Variants in ACSL1 observed in about 807,000 individuals in gnomAD.
ACSL1 encodes long-chain-fatty-acid--CoA ligase 1.
In ACSL1, 41 loss-of-function variants were observed where a neutral mutation model predicts 98.4. The observed-to-expected ratio is 0.42, with a 90% CI of 0.32 to 0.54. The LOEUF is 0.54. Among genes scored for constraint, ACSL1 ranks in the 20% least tolerant of loss-of-function variants. The pLI is 0.13. For synonymous variants in ACSL1, 316 were observed against 322.7 expected, an observed-to-expected ratio of 0.98 and a Z score of 0.22; for missense variants, 734 against 883.1, an observed-to-expected ratio of 0.83 and a Z score of 2.14.
At chr4:184,804,133 CT>C (rs1177416097) in intron 1 of ACSL1, among the ~76,000 whole-genome samples, 1 of 152,234 alleles carries the variant, frequency 6.6e-6, no homozygotes, top group Non-Finnish European at 1.5e-5. Context: ...AGTTGGCTAT[CT>C]GGTAAGATGA....
rs746349597 is a variant in ACSL1 at position 184,763,208 on chromosome 4, C to T, written c.1480G>A (p.Val494Met). ...GCAGCCATGTAATTCATTTCTTCCA[C>T]ATCAACAAGTTTTATCAAATTGCAC... is the stretch of plus-strand genomic sequence containing the variant. ...MPCNLIKLVDVEEMNYMAAEG... is the reference protein window; with the variant it reads ...MPCNLIKLVDMEEMNYMAAEG... Residue 494 changes from valine (V) to methionine (M), a missense_variant, in exon 16 of 21, where the codon GTG becomes ATG. Physicochemically the swap from Val to Met is conservative, Grantham distance 21. Coordinates refer to ENST00000281455, the MANE Select transcript of ACSL1 (RefSeq NM_001995.5). 2.5e-6 allele frequency: 4 copies of T among 1,614,104 alleles called. No homozygotes were observed. Among genetic ancestry groups the T allele is most frequent in the Non-Finnish European group, 3.4e-6 (4 of 1,180,026 alleles).
In ACSL1 at chr4:184,766,108, C is replaced by T; in HGVS notation, c.1264-122G>A. 1 of 843,920 alleles carries T rather than the reference C, an allele frequency of 1.2e-6. No homozygotes were observed. 52.3% of individuals were successfully genotyped at this position (843,920 alleles called of 1,614,324 possible). On this transcript the variant is annotated intron_variant, in intron 13 of 20. Coordinates refer to ENST00000281455, the MANE Select transcript of ACSL1 (RefSeq NM_001995.5). The surrounding 1 kb of genome is among the most constrained non-coding windows in gnomAD (Gnocchi z 4.8). The stretch of plus-strand genomic sequence containing the variant: ...CCCATAGCTGCAGACCACACGGAGG[C>T]CACACGGAGAACTCACAGCCCTCAT...
intron 7 of ACSL1, among the ~76,000 whole-genome samples, chr4:184,774,974 A>G (rs922758393): frequency 1.3e-5 from 2 of 152,202 alleles, no homozygotes; most frequent in Admixed American, 1.3e-4. Flanking sequence ...TTCTTACATA[A>G]CTTCTGGAGA....
At chr4:184,809,461 T>A (rs1048302898) in intron 1 of ACSL1, among the ~76,000 whole-genome samples, 2 of 152,198 alleles carry the variant, frequency 1.3e-5, no homozygotes, top group Non-Finnish European at 2.9e-5. Context: ...TTAAATCACA[T>A]GAAGAACTAA....
intron 7 of ACSL1, among the ~76,000 whole-genome samples, chr4:184,774,579 G>T (rs113222124): frequency 6.6e-6 from 1 of 151,974 alleles, no homozygotes; most frequent in South Asian, 2.1e-4. Flanking sequence ...CCACTGATGG[G>T]GTTCGGTTTA....
At chr4:184,805,906 A>G (rs1771354907) in intron 1 of ACSL1, 1 of 152,244 alleles carries the variant, frequency 6.6e-6, no homozygotes, top group South Asian at 2.1e-4. Context: ...GACAACGGGC[A>G]TATATTTTTT....
At chr4:184,811,297 A>G (rs1772064335) in intron 1 of ACSL1, among the ~76,000 whole-genome samples, 2 of 151,818 alleles carry the variant, frequency 1.3e-5, no homozygotes, top group Middle Eastern at 3.4e-3. Context: ...TATTTTTAGT[A>G]GAGACGGGGT....
chr4:184,821,118 C>T (rs1457964910), intron 1 of ACSL1: 1 of 456,324 alleles, frequency 2.2e-6, no homozygotes, highest in East Asian at 6.9e-5. Flanking sequence ...AGCTTAGCAG[C>T]ACCTGGCTCT....
chr4:184,811,278 T>A (rs1772057750), intron 1 of ACSL1, among the ~76,000 whole-genome samples: 2 of 151,418 alleles, frequency 1.3e-5, no homozygotes. Context: ...CTGGCTAATT[T>A]TTTTTTTGTA....
Position 184,766,061 on chromosome 4 carries a change from T to G in ACSL1, c.1264-75A>C. 7.1e-7 allele frequency: 1 copy of G among 1,414,282 alleles called. No homozygotes were observed. The highest frequency in any genetic ancestry group is 9.9e-7 in the Non-Finnish European group (1 of 1,010,614). 87.6% of individuals were successfully genotyped at this position (1,414,282 alleles called of 1,614,324 possible). On this transcript the variant is annotated intron_variant, in intron 13 of 20. Coordinates refer to ENST00000281455, the MANE Select transcript of ACSL1 (RefSeq NM_001995.5). This position sits in a 1 kb window ranked among gnomAD's most constrained non-coding sequence, Gnocchi z 4.8. ...CGGCGGCCTCTCCGCCAAGGGGGCC[T>G]GCTTGGGACCCCGTTCCCTAACCCA...
rs779863660 is a variant in ACSL1, at chr4:184,765,990, T to C, written c.1264-4A>G. The C allele has an allele frequency of 2.7e-5, 44 of 1,613,372 alleles. No homozygotes were observed. The highest frequency in any genetic ancestry group is 1.2e-4 in the African/African-American group (9 of 74,920). ...GGACTCTTCCGCCCAGGCTCGACTT[T>C]CAGGGAGGGAGAGTGGGAGAAGGTG... On this transcript the variant is annotated splice_region_variant and splice_polypyrimidine_tract_variant and intron_variant, in intron 13 of 20. Coordinates refer to ENST00000281455, the MANE Select transcript of ACSL1 (RefSeq NM_001995.5).
intron 1 of ACSL1, among the ~76,000 whole-genome samples, chr4:184,818,465 G>A (rs1772805663): frequency 6.6e-6 from 1 of 152,176 alleles, no homozygotes; most frequent in Non-Finnish European, 1.5e-5. Flanking sequence ...GACTTTCGAT[G>A]CCTTGATCTT....
At chr4:184,761,483 A>G (rs1019854216) in intron 17 of ACSL1, among the ~76,000 whole-genome samples, 2 of 152,242 alleles carry the variant, frequency 1.3e-5, no homozygotes, top group Non-Finnish European at 2.9e-5. Flanking sequence ...ACAGCAGATT[A>G]CTGGTCAAAC....
At chr4:184,812,675 G>A (rs545792015) in intron 1 of ACSL1, among the ~76,000 whole-genome samples, 9 of 152,268 alleles carry the variant, frequency 5.9e-5, no homozygotes, top group East Asian at 5.8e-4. Context: ...TTTAGAAGAC[G>A]CTGAGATACA....
chr4:184,826,549 C>A (rs973471609), upstream of ACSL1: 2 of 152,420 alleles, frequency 1.3e-5, no homozygotes, highest in Non-Finnish European at 2.9e-5. Flanking sequence ...GTCTGCAGAG[C>A]CTGACGTGGG....
intron 14 of ACSL1, among the ~76,000 whole-genome samples, chr4:184,765,678 G>A (rs1373477556): frequency 1.3e-5 from 2 of 152,096 alleles, no homozygotes; most frequent in Non-Finnish European, 2.9e-5. Flanking sequence ...AAGTATGGGT[G>A]GTAAGACACA....
At chr4:184,823,236 G>C (rs1773205324) in intron 1 of ACSL1, among the ~76,000 whole-genome samples, 1 of 152,186 alleles carries the variant, frequency 6.6e-6, no homozygotes, top group Admixed American at 6.5e-5. Flanking sequence ...GCCTAAAAAG[G>C]CTTCAGGATA....
chr4:184,821,123 G>A (rs938200911), intron 1 of ACSL1: 1 of 456,166 alleles, frequency 2.2e-6, no homozygotes, highest in Non-Finnish European at 4.4e-6. Flanking sequence ...AGCAGCACCT[G>A]GCTCTGTCTG....
At chr4:184,817,003 CA>C (rs1772694134) in intron 1 of ACSL1, among the ~76,000 whole-genome samples, 1 of 152,148 alleles carries the variant, frequency 6.6e-6, no homozygotes, top group African/African-American at 2.4e-5. Flanking sequence ...GCTCCAGCCT[CA>C]GGGGATATGA....
Sources: allele counts gnomAD v4.1 joint callset (sites outside exome capture counted in the v4.1 genomes callset), GRCh38; gene constraint gnomAD v4.1.1; non-coding constraint Gnocchi (gnomAD v3.1); transcripts MANE v1.5; gene names NCBI Gene and HGNC (gene_info 2026-07-23, HGNC 2026-07-21).